DSG4: variants seen among roughly 807,000 people sequenced by gnomAD.
DSG4 encodes desmoglein 4.
DSG4 carries 87 observed loss-of-function variants against 93.1 expected under a neutral mutation model. The ratio of observed to expected loss-of-function variants is 0.93; its 90% confidence interval spans 0.79 to 1.12. The LOEUF (loss-of-function observed/expected upper bound fraction) is 1.12, where lower values mean the gene tolerates loss of function less well. Ranked by LOEUF, DSG4 falls within the 50% of genes most tolerant of loss-of-function variation. The pLI is 0.00. For missense variants in DSG4, 1,373 were observed against 1,285.7 expected, an observed-to-expected ratio of 1.07 and a Z score of -1.04; for synonymous variants, 432 against 452.9, an observed-to-expected ratio of 0.95 and a Z score of 0.59.
At chr18:31,384,745 G>A (rs927372783) in intron 1 of DSG4, among the ~76,000 whole-genome samples, 3 of 152,112 alleles carry the variant, frequency 2.0e-5, no homozygotes, top group Non-Finnish European at 4.4e-5. Flanking sequence ...TTACAACTGT[G>A]TTCTTGTTTC....
At chr18:31,396,614 G>T (rs1323314163) in intron 8 of DSG4, among the ~76,000 whole-genome samples, 1 of 151,874 alleles carries the variant, frequency 6.6e-6, no homozygotes, top group South Asian at 2.1e-4. Context: ...CCTCAGCTTC[G>T]CACAGTGCTG....
chr18:31,388,661 G>A, intron 4 of DSG4, 139 bp downstream of exon 4: 1 of 1,335,702 alleles, frequency 7.5e-7, no homozygotes, highest in Non-Finnish European at 1.0e-6. Flanking sequence ...GGAATGGAAA[G>A]AGTGTGAAAA....
At chr18:31,396,061 A>G (rs549010137) in intron 8 of DSG4, among the ~76,000 whole-genome samples, 4 of 152,324 alleles carry the variant, frequency 2.6e-5, no homozygotes, top group African/African-American at 7.2e-5. Context: ...CTCTCTGTCA[A>G]TAACAGCCTC....
chr18:31,380,880 A>C (rs1426785856), intron 1 of DSG4, among the ~76,000 whole-genome samples: 1 of 152,152 alleles, frequency 6.6e-6, no homozygotes, highest in African/African-American at 2.4e-5. Context: ...AGCATATATT[A>C]TATGCTTAGA....
intron 8 of DSG4, among the ~76,000 whole-genome samples, chr18:31,396,974 C>T (rs2072312649): frequency 6.6e-6 from 1 of 152,176 alleles, no homozygotes; most frequent in Non-Finnish European, 1.5e-5. Context: ...AGAACATACA[C>T]ACTCAGGCAG....
At chr18:31,381,033 T>A (rs1462719542) in intron 1 of DSG4, among the ~76,000 whole-genome samples, 1 of 152,228 alleles carries the variant, frequency 6.6e-6, no homozygotes, top group African/African-American at 2.4e-5. Flanking sequence ...CTCTCTGGAA[T>A]ACATACATTA....
Position 31,400,978 on chromosome 18 carries a change from A to C in DSG4, c.1375A>C (p.Ile459Leu), listed in dbSNP as rs186800131. The C allele has an allele frequency of 1.2e-5, 20 of 1,611,146 alleles. No homozygotes were observed. Among genetic ancestry groups the C allele is most frequent in the East Asian group, 2.2e-5 (1 of 44,722 alleles). ...AGAATTTGATAAGAAGTCAAAATAT[A>C]TTATCAATGGGATATACACAGCAGA... ...SREFDKKSKY[I>L]INGIYTAEIL... The change falls in exon 10 of 16, where the codon ATT becomes CTT. Residue 459 changes from isoleucine to leucine, a missense_variant. By Grantham distance (5) the Ile-to-Leu change is conservative. Coordinates refer to ENST00000308128, the MANE Select transcript of DSG4 (RefSeq NM_177986.5).
chr18:31,388,769 T>C, intron 4 of DSG4, 105 bp from the exon 5 acceptor site: 1 of 1,550,048 alleles, frequency 6.5e-7, no homozygotes, highest in South Asian at 1.1e-5. Context: ...ACAGTCTGAA[T>C]TCACTGGAAA....
chr18:31,404,428 G>A (rs1568070332), intron 11 of DSG4, among the ~76,000 whole-genome samples: 1 of 152,104 alleles, frequency 6.6e-6, no homozygotes, highest in African/African-American at 2.4e-5. Flanking sequence ...AACGTTAAGT[G>A]CATAATAAAA....
Position 31,386,730 on chromosome 18 carries a change from ACAGT to A in DSG4, c.131_134del (p.Val44GlufsTer39), listed in dbSNP as rs1480278410. ...TGAAAATGGCACTACAAAATGGCAA[ACAGT>A]CAGAAGACAAAAGCGGGAGTGGATC... is the stretch of plus-strand genomic sequence containing the variant. On this transcript the variant is annotated frameshift_variant, in exon 3 of 16. Coordinates refer to ENST00000308128, the MANE Select transcript of DSG4 (RefSeq NM_177986.5). LOFTEE classifies it high-confidence loss of function. 2 of 1,613,452 alleles carry A rather than the reference ACAGT, an allele frequency of 1.2e-6. No individual in the cohort carries two copies. The highest frequency in any genetic ancestry group is 1.7e-4 in the Middle Eastern group (1 of 6,058).
intron 8 of DSG4, among the ~76,000 whole-genome samples, chr18:31,395,572 GAT>G (rs2072296814): frequency 6.6e-6 from 1 of 152,124 alleles, no homozygotes; most frequent in South Asian, 2.1e-4. Context: ...TCTCATTCCA[GAT>G]ACATCTGGAA....
intron 7 of DSG4, among the ~76,000 whole-genome samples, chr18:31,391,441 A>T (rs1384826556): frequency 2.0e-5 from 3 of 152,170 alleles, no homozygotes; most frequent in Non-Finnish European, 2.9e-5. Context: ...AAAGCAACGA[A>T]CTATCTATTC....
chr18:31,393,069 G>C (rs1475281306), intron 8 of DSG4, among the ~76,000 whole-genome samples: 2 of 151,974 alleles, frequency 1.3e-5, no homozygotes, highest in Non-Finnish European at 2.9e-5. Flanking sequence ...AATTAGAAAC[G>C]AATAAAACCA....
chr18:31,378,693 A>AT (rs988361915), intron 1 of DSG4, among the ~76,000 whole-genome samples: 15 of 151,984 alleles, frequency 9.9e-5, no homozygotes, highest in African/African-American at 3.4e-4. Flanking sequence ...TTCTTTAAGT[A>AT]TTTTTTTTCT....
In DSG4 at chr18:31,388,881, G is replaced by T; in HGVS notation, c.380G>T (p.Cys127Phe). The T allele has an allele frequency of 6.2e-7, 1 of 1,613,446 alleles. No individual in the cohort carries two copies. The highest frequency in any genetic ancestry group is 8.5e-7 in the Non-Finnish European group (1 of 1,179,590). Residue 127 changes from cysteine to phenylalanine, a missense_variant, in exon 5 of 16, where the codon TGC (cysteine) becomes TTC (phenylalanine). Transcript: ENST00000308128. ...REITPLFLIYCRALNSRGEDL... is the reference protein window; with the variant it reads ...REITPLFLIYFRALNSRGEDL... ...TTTTCCAATTTTCCACAGATCTATT[G>T]CCGGGCTCTGAATTCACGGGGTGAA... is the stretch of plus-strand genomic sequence containing the variant.
At chr18:31,396,516 G>T (rs1046148748) in intron 8 of DSG4, among the ~76,000 whole-genome samples, 1 of 151,622 alleles carries the variant, frequency 6.6e-6, no homozygotes, top group African/African-American at 2.4e-5. Flanking sequence ...CACCACACCC[G>T]GCTAATGTTT....
intron 3 of DSG4, among the ~76,000 whole-genome samples, 165 bp downstream of exon 3, chr18:31,386,984 G>A (rs1281868491): frequency 6.6e-6 from 1 of 152,190 alleles, no homozygotes; most frequent in Non-Finnish European, 1.5e-5. Flanking sequence ...TGTGCAGGGA[G>A]GCTGACGTGG....
intron 8 of DSG4, among the ~76,000 whole-genome samples, chr18:31,396,939 C>T (rs549089493): frequency 1.3e-5 from 2 of 152,182 alleles, no homozygotes; most frequent in South Asian, 4.1e-4. Context: ...CACATTTGTA[C>T]CAGGAAATGA....
intron 12 of DSG4, among the ~76,000 whole-genome samples, chr18:31,407,471 T>C (rs114351001): frequency 0.079 from 12,041 of 152,228 alleles, 561 homozygotes; most frequent in Admixed American, 0.14. Context: ...CCCATAGAGT[T>C]TTTTTAAACA....
Sources: allele counts gnomAD v4.1 joint callset (sites outside exome capture counted in the v4.1 genomes callset), GRCh38; gene constraint gnomAD v4.1.1; transcripts MANE v1.5; gene names NCBI Gene and HGNC (gene_info 2026-07-23, HGNC 2026-07-21).